Variants in RAD51B observed in about 807,000 individuals in gnomAD.
The protein encoded by RAD51B is RAD51 paralog B, also known as DNA repair protein RAD51 homolog 2.
Under a neutral mutation model 42.2 loss-of-function variants are expected in RAD51B, and 38 were observed. That is an observed-to-expected ratio of 0.90 (90% CI 0.70 to 1.18). The LOEUF (loss-of-function observed/expected upper bound fraction) is 1.18, where lower values mean the gene tolerates loss of function less well. RAD51B is among the 50% of genes most tolerant of loss of function. RAD51B has a pLI of 0.00. For synonymous variants in RAD51B, 154 were observed against 145.2 expected (o/e 1.06, Z -0.43); for missense variants, 373 against 400.7 (o/e 0.93, Z 0.59).
In RAD51B at chr14:67,871,023, G is replaced by A. The variant is rs1315987799; in HGVS notation, c.452+5884G>A. On this transcript the variant is annotated intron_variant, in intron 5 of 10. Transcript: ENST00000471583. ...TTGACAGCCTAACATCACAATTAAA[G>A]GAACTAGAAAAGCAAGAGCAAACAC... is the stretch of plus-strand genomic sequence containing the variant. Among the ~76,000 whole-genome samples, 25 of 151,952 alleles carry A rather than the reference G, an allele frequency of 1.6e-4. No homozygotes were observed. The South Asian group carries it at 4.6e-3, about 28-fold the overall frequency.
intron 7 of RAD51B, among the ~76,000 whole-genome samples, chr14:67,940,044 ATATATATATATTTTTTTTTTTTTTTTT>A (rs1465022515): frequency 6.7e-5 from 1 of 14,928 alleles, no homozygotes; most frequent in Non-Finnish European, 1.6e-4. Context: ...ATATATATAT[ATATATATATATTTTTTTTTTTTTTTTT>A]TTTTTTTTTT....
At chr14:68,096,959 A>AAATAACATG (rs1302414529) in intron 7 of RAD51B, among the ~76,000 whole-genome samples, 5 of 152,360 alleles carry the variant, frequency 3.3e-5, no homozygotes, top group African/African-American at 9.6e-5. Context: ...GCAAATATAT[A>AAATAACATG]AATAACATGT....
chr14:68,337,622 C>T (rs2082483789), intron 8 of RAD51B, among the ~76,000 whole-genome samples: 1 of 152,132 alleles, frequency 6.6e-6, no homozygotes, highest in South Asian at 2.1e-4. Context: ...TAAAATTTTC[C>T]CTTGCCTAGG....
At chr14:68,350,472 A>C (rs755333840) in intron 8 of RAD51B, among the ~76,000 whole-genome samples, 1 of 152,272 alleles carries the variant, frequency 6.6e-6, no homozygotes, top group African/African-American at 2.4e-5. Flanking sequence ...TTACTATAGC[A>C]GAGTGAGCAA....
exon 11 of RAD51B, chr14:68,595,260 T>C (rs1013514179): frequency 9.4e-7 from 1 of 1,060,216 alleles, no homozygotes; most frequent in Non-Finnish European, 1.1e-6. Context: ...TGCTTCCAGT[T>C]GCTTCTACAG....
At chr14:68,018,711 C>T (rs2075816999) in intron 7 of RAD51B, among the ~76,000 whole-genome samples, 2 of 152,144 alleles carry the variant, frequency 1.3e-5, no homozygotes, top group Admixed American at 6.5e-5. Flanking sequence ...AAACAGTACT[C>T]ATAAAAAATG....
At chr14:68,211,897 T>G (rs1478580617) in intron 7 of RAD51B, among the ~76,000 whole-genome samples, 1 of 152,234 alleles carries the variant, frequency 6.6e-6, no homozygotes. Flanking sequence ...AACATTCAAG[T>G]TCTATAGCAA....
chr14:68,291,636 G>C (rs1214336278), intron 7 of RAD51B, among the ~76,000 whole-genome samples: 1 of 152,184 alleles, frequency 6.6e-6, no homozygotes, highest in Non-Finnish European at 1.5e-5. Context: ...AATTGATAGA[G>C]GTTTTACTCT....
At chr14:68,171,657 G>A (rs1231262968) in intron 7 of RAD51B, among the ~76,000 whole-genome samples, 9 of 152,004 alleles carry the variant, frequency 5.9e-5, no homozygotes, top group Admixed American at 5.9e-4. Flanking sequence ...AATATTAAAT[G>A]CAGTGTTTTG....
intron 7 of RAD51B, among the ~76,000 whole-genome samples, chr14:68,165,689 C>T (rs2078734260): frequency 6.6e-6 from 1 of 152,118 alleles, no homozygotes; most frequent in Non-Finnish European, 1.5e-5. Flanking sequence ...TACTGGTAAC[C>T]TGGTGGTGCA....
intron 11 of RAD51B, among the ~76,000 whole-genome samples, chr14:68,673,129 A>G (rs565738220): frequency 1.3e-5 from 2 of 152,350 alleles, no homozygotes; most frequent in East Asian, 3.9e-4. Flanking sequence ...TTTAGAAGCT[A>G]TCAACACAGG....
At chr14:68,274,538 A>C (rs920176862) in intron 7 of RAD51B, among the ~76,000 whole-genome samples, 8 of 152,196 alleles carry the variant, frequency 5.3e-5, no homozygotes, top group African/African-American at 1.9e-4. Context: ...ATATCCTTTT[A>C]CAGTTGATTA....
chr14:68,100,420 C>T (rs1488271927), intron 7 of RAD51B, among the ~76,000 whole-genome samples: 2 of 152,082 alleles, frequency 1.3e-5, no homozygotes, highest in African/African-American at 4.8e-5. Flanking sequence ...CTCAAGCAAT[C>T]CTCCTGTCTC....
chr14:68,497,163 G>T, intron 10 of RAD51B: 1 of 1,399,482 alleles, frequency 7.1e-7, no homozygotes, highest in Non-Finnish European at 9.6e-7. Flanking sequence ...GTGCAAACCT[G>T]TTCATCTTGC....
chr14:68,606,666 G>T (rs1247293988), intron 10 of RAD51B, among the ~76,000 whole-genome samples: 2 of 152,130 alleles, frequency 1.3e-5, no homozygotes, highest in African/African-American at 4.8e-5. Context: ...AAAGAGGGTG[G>T]GAGCCAATCT....
Position 67,835,187 on chromosome 14 carries a change from C to T in RAD51B, c.306C>T (p.Ser102=), listed in dbSNP as rs1052271048. 3.1e-6 allele frequency: 5 copies of T among 1,612,600 alleles called. No homozygotes were observed. The South Asian group carries it at 3.3e-5, about 11-fold the overall frequency. The change falls in exon 4 of 11, where the codon TCC becomes TCT. Residue 102 remains serine (S), a synonymous_variant. Coordinates refer to ENST00000471583, the MANE Select transcript of RAD51B (RefSeq NM_133510.4). ...TGCATGGTGGTGTGGCTTGTGGATC[C>T]CTCACAGAGGTAAAGGAAAAATTTT... ...EALHGGVACG[S]LTEITGPPGC... is the part of the protein sequence containing the mutation.
At chr14:67,920,308 T>G (rs2044280650) in intron 7 of RAD51B, among the ~76,000 whole-genome samples, 1 of 152,210 alleles carries the variant, frequency 6.6e-6, no homozygotes, top group Non-Finnish European at 1.5e-5. Flanking sequence ...TTTTCAACTC[T>G]AACGTTATTT....
intron 8 of RAD51B, among the ~76,000 whole-genome samples, chr14:68,371,075 T>TA (rs141972827): frequency 0.065 from 8,423 of 129,300 alleles, 435 homozygotes; most frequent in African/African-American, 0.14. Context: ...AAAAGAAAAT[T>TA]AAAAAAAAAG....
At chr14:67,907,930 A>G (rs764286512) in intron 7 of RAD51B, among the ~76,000 whole-genome samples, 3 of 152,150 alleles carry the variant, frequency 2.0e-5, no homozygotes, top group Non-Finnish European at 4.4e-5. Context: ...TCATGCCTCA[A>G]AGGAGCAGCA....
Sources: gnomAD v4.1 joint callset for allele counts (sites outside exome capture counted in the v4.1 genomes callset) on GRCh38, gnomAD v4.1.1 for gene constraint, MANE v1.5 for transcripts, NCBI Gene and HGNC (gene_info 2026-07-23, HGNC 2026-07-21) for gene names.